The following TENM4 variants were observed in gnomAD, a reference collection of about 807,000 sequenced individuals.
The protein encoded by TENM4 is teneurin transmembrane protein 4.
TENM4 carries 82 observed loss-of-function variants against 243.3 expected under a neutral mutation model. The observed-to-expected ratio is 0.34, with a 90% CI of 0.28 to 0.40. The LOEUF (loss-of-function observed/expected upper bound fraction) is 0.40, where lower values mean the gene tolerates loss of function less well. TENM4 is among the 10% of genes least tolerant of loss of function. TENM4 has a pLI of 1.00. For missense variants in TENM4, 3,138 were observed against 3,673.3 expected (o/e 0.85, Z 3.77); for synonymous variants, 1,412 against 1,456.3 (o/e 0.97, Z 0.69).
intron 1 of TENM4, among the ~76,000 whole-genome samples, chr11:79,312,509 G>A (rs1157297149): frequency 6.6e-6 from 1 of 152,142 alleles, no homozygotes; most frequent in Non-Finnish European, 1.5e-5. Context: ...CCATTCTTCA[G>A]ATGAAGAAGT....
At chr11:78,914,646 C>T (rs898375040) in intron 6 of TENM4, among the ~76,000 whole-genome samples, 5 of 152,214 alleles carry the variant, frequency 3.3e-5, no homozygotes, top group Admixed American at 6.5e-5. Context: ...TATACTCCCT[C>T]TCCTAATGCT....
intron 2 of TENM4, among the ~76,000 whole-genome samples, chr11:79,228,451 C>T (rs1291061834): frequency 6.6e-6 from 1 of 152,180 alleles, no homozygotes; most frequent in Non-Finnish European, 1.5e-5. Context: ...CGGGAAACCT[C>T]TCTTGGTTCC....
chr11:79,130,427 A>T (rs1219086750), intron 4 of TENM4, among the ~76,000 whole-genome samples: 1 of 152,112 alleles, frequency 6.6e-6, no homozygotes, highest in African/African-American at 2.4e-5. Context: ...GAGGTTAGTC[A>T]TTAAGCTAAT....
At chr11:79,304,454 G>C (rs1320068793) in intron 1 of TENM4, among the ~76,000 whole-genome samples, 1 of 152,168 alleles carries the variant, frequency 6.6e-6, no homozygotes, top group African/African-American at 2.4e-5. Context: ...ACCATGGTCT[G>C]TCAATTCCAG....
chr11:79,324,418 G>A (rs760045681), intron 1 of TENM4, among the ~76,000 whole-genome samples: 1 of 151,966 alleles, frequency 6.6e-6, no homozygotes, highest in Non-Finnish European at 1.5e-5. Flanking sequence ...ATCAGGTCTC[G>A]CTATGTTGAC....
Position 78,669,306 on chromosome 11 carries a change from C to T in TENM4, c.7039G>A (p.Ala2347Thr), listed in dbSNP as rs1858247854. 5 of 1,613,892 alleles carry T rather than the reference C, an allele frequency of 3.1e-6. No homozygotes were observed. In the South Asian group the frequency reaches 3.3e-5, roughly 11 times the overall value. Residue 2347 changes from alanine to threonine, a missense_variant, in exon 32 of 34, where the codon GCC (alanine) becomes ACC (threonine). Transcript: ENST00000278550. The surrounding 1 kb of genome is among the most constrained non-coding windows in gnomAD (Gnocchi z 6.4). ...TCATCACCACTGCTCAGCTCCATGG[C>T]AAAGAGGTGTCCTTGCAAGTCGTAG... Reference protein sequence around the residue: ...LYYDLQGHLFAMELSSGDEFY... With the variant: ...LYYDLQGHLFTMELSSGDEFY...
intron 19 of TENM4, among the ~76,000 whole-genome samples, chr11:78,749,996 AG>A (rs1423204870): frequency 3.5e-4 from 54 of 152,328 alleles, no homozygotes; most frequent in African/African-American, 1.2e-3. Flanking sequence ...TTCAAATGTC[AG>A]AGCACGTCTT....
intron 7 of TENM4, among the ~76,000 whole-genome samples, chr11:78,897,597 T>C (rs1339130995): frequency 6.6e-6 from 1 of 152,230 alleles, no homozygotes; most frequent in Non-Finnish European, 1.5e-5. Flanking sequence ...GGACTCCCTC[T>C]GTCACAACAT....
chr11:78,790,059 C>A (rs912866379), intron 15 of TENM4, among the ~76,000 whole-genome samples: 2 of 152,160 alleles, frequency 1.3e-5, no homozygotes, highest in Admixed American at 6.5e-5. Flanking sequence ...CTAATAATAT[C>A]CACACATGCC....
At chr11:78,844,245 C>T (rs1013202511) in intron 12 of TENM4, among the ~76,000 whole-genome samples, 1 of 152,188 alleles carries the variant, frequency 6.6e-6, no homozygotes, top group Non-Finnish European at 1.5e-5. Flanking sequence ...GAAGCCTAAC[C>T]CCCAATGTGA....
chr11:79,425,548 AGC>A (rs1859031014), intron 1 of TENM4, among the ~76,000 whole-genome samples: 1 of 152,222 alleles, frequency 6.6e-6, no homozygotes, highest in East Asian at 1.9e-4. Flanking sequence ...ACGGACTTGG[AGC>A]CAGACTGATC....
At chr11:79,277,210 G>A (rs1479064236) in intron 2 of TENM4, among the ~76,000 whole-genome samples, 2 of 152,176 alleles carry the variant, frequency 1.3e-5, no homozygotes, top group African/African-American at 4.8e-5. Flanking sequence ...TTATGATTCT[G>A]CAAACAGGGA....
chr11:78,677,341 T>A (rs1021757525), intron 29 of TENM4, among the ~76,000 whole-genome samples: 1 of 150,810 alleles, frequency 6.6e-6, no homozygotes, highest in South Asian at 2.1e-4. Context: ...TGTAACCTCA[T>A]ACTCCTCGGC....
chr11:79,414,161 C>CACACGTGT (rs1858763364), intron 1 of TENM4, among the ~76,000 whole-genome samples: 1 of 45,590 alleles, frequency 2.2e-5, no homozygotes, highest in South Asian at 7.8e-4. Flanking sequence ...CATGTGTACA[C>CACACGTGT]ACACACACAC....
intron 9 of TENM4, among the ~76,000 whole-genome samples, chr11:78,885,932 A>G (rs886745346): frequency 6.6e-6 from 1 of 152,112 alleles, no homozygotes; most frequent in East Asian, 1.9e-4. Flanking sequence ...TCTCTACACA[A>G]ACAAACAAAC....
At chr11:78,766,174 C>T (rs1856536268) in intron 18 of TENM4, among the ~76,000 whole-genome samples, 1 of 152,150 alleles carries the variant, frequency 6.6e-6, no homozygotes, top group Non-Finnish European at 1.5e-5. Flanking sequence ...ATCAGGGAGC[C>T]AGGAGTTGAA....
At chr11:79,362,803 T>A (rs1485337561) in intron 1 of TENM4, among the ~76,000 whole-genome samples, 1 of 152,216 alleles carries the variant, frequency 6.6e-6, no homozygotes, top group Non-Finnish European at 1.5e-5. Context: ...CATGGGAGTG[T>A]TGGAGGATTA....
intron 3 of TENM4, among the ~76,000 whole-genome samples, chr11:79,187,042 G>T (rs1402496984): frequency 6.6e-6 from 1 of 152,146 alleles, no homozygotes; most frequent in East Asian, 1.9e-4. Context: ...ATCCTCCTTA[G>T]CCCCATTGCC....
At chr11:79,162,518 AT>A (rs1284665352) in intron 3 of TENM4, among the ~76,000 whole-genome samples, 1 of 151,944 alleles carries the variant, frequency 6.6e-6, no homozygotes, top group Non-Finnish European at 1.5e-5. Context: ...TGACTCCTCT[AT>A]GTCTTAATTA....
Sources: allele counts gnomAD v4.1 joint callset (sites outside exome capture counted in the v4.1 genomes callset), GRCh38; gene constraint gnomAD v4.1.1; non-coding constraint Gnocchi (gnomAD v3.1); transcripts MANE v1.5; gene names NCBI Gene and HGNC (gene_info 2026-07-23, HGNC 2026-07-21).